Variants in FBXL16 observed in about 807,000 individuals in gnomAD.
The protein encoded by FBXL16 is F-box and leucine rich repeat protein 16, also known as F-box/LRR-repeat protein 16.
In FBXL16, 7 loss-of-function variants were observed where a neutral mutation model predicts 36.7. The observed-to-expected ratio is 0.19, with a 90% CI of 0.11 to 0.36. The LOEUF is 0.36. Among genes scored for constraint, FBXL16 ranks in the 10% least tolerant of loss-of-function variants. FBXL16 has a pLI of 1.00. For synonymous variants in FBXL16, 355 were observed against 308.7 expected (o/e 1.15, Z -1.57); for missense variants, 463 against 659.4 (o/e 0.70, Z 3.26).
At position 694,984 on chromosome 16, in the gene FBXL16, G is replaced by A; in HGVS notation, c.1227+8C>T. ...GATCCCCCAATCCCGGGGCGTGAGA[G>A]CCGGTACCTGGCAGCACCATCGCAG... On this transcript the variant is annotated splice_region_variant and intron_variant, in intron 4 of 5. Transcript: ENST00000397621. The A allele has an allele frequency of 2.0e-6, 3 of 1,530,044 alleles. No individual in the cohort carries two copies. The highest frequency in any genetic ancestry group is 2.6e-6 in the Non-Finnish European group (3 of 1,135,902). 94.8% of individuals were successfully genotyped at this position (1,530,044 alleles called of 1,614,324 possible). A position where few individuals can be genotyped will look rare whatever the true frequency, so the allele number is the denominator to read the frequency against.
intron 3 of FBXL16, 157 bp from the exon 4 acceptor site, chr16:695,233 C>T (rs1292241201): frequency 2.6e-6 from 3 of 1,155,984 alleles, no homozygotes; most frequent in Admixed American, 2.6e-5. Context: ...GACGGGGGTC[C>T]AGCCAACCCG....
chr16:703,753 G>A (rs958789999), intron 1 of FBXL16, among the ~76,000 whole-genome samples: 1 of 152,374 alleles, frequency 6.6e-6, no homozygotes, highest in Non-Finnish European at 1.5e-5. Context: ...AGAGAAACCC[G>A]TGTTGCTGCC....
rs1443496382 is a variant in FBXL16, at chr16:705,546, C to T, written c.-49G>A. Reference sequence around the variant, plus strand: ...GGCTCCTGGCTCATGCCACGCTGTCCGCCGGGCGACCTCCCGTCATGGGGA... The same window carrying T: ...GGCTCCTGGCTCATGCCACGCTGTCTGCCGGGCGACCTCCCGTCATGGGGA... On this transcript the variant is annotated 5_prime_UTR_variant, in exon 1 of 6. Coordinates refer to ENST00000397621, the MANE Select transcript of FBXL16 (RefSeq NM_153350.4). 1 of 150,442 alleles carries T rather than the reference C, an allele frequency of 6.6e-6. No homozygotes were observed. The highest frequency in any genetic ancestry group is 2.4e-5 in the African/African-American group (1 of 41,148). 9.3% of individuals were successfully genotyped at this position (150,442 alleles called of 1,614,324 possible).
At chr16:703,235 G>A (rs962863794) in intron 1 of FBXL16, among the ~76,000 whole-genome samples, 9 of 152,162 alleles carry the variant, frequency 5.9e-5, no homozygotes, top group South Asian at 4.1e-4. Context: ...CTGCCACGGC[G>A]CTGCATTCCT....
intron 3 of FBXL16, 47 bp from the exon 4 acceptor site, chr16:695,123 C>G: frequency 1.3e-6 from 2 of 1,557,990 alleles, no homozygotes; most frequent in Non-Finnish European, 1.7e-6. Context: ...CACCTGGCCC[C>G]GGCCATCCCT....
At chr16:698,239 G>A (rs2040029837) in intron 1 of FBXL16, among the ~76,000 whole-genome samples, 1 of 152,122 alleles carries the variant, frequency 6.6e-6, no homozygotes, top group African/African-American at 2.4e-5. Flanking sequence ...CTGACCTCAA[G>A]TGATCCACCC....
rs371464390 is a variant in FBXL16 at position 699,152 on chromosome 16, C to T, written c.-14-1733G>A. Among the ~76,000 whole-genome samples, 37 of 152,292 alleles carry T rather than the reference C, an allele frequency of 2.4e-4. 1 individual carries two copies. In the East Asian group the frequency reaches 6.6e-3, roughly 27 times the overall value. On this transcript the variant is annotated intron_variant, in intron 1 of 5. Coordinates refer to ENST00000397621, the MANE Select transcript of FBXL16 (RefSeq NM_153350.4). ...GCCAAGGCTGGGCAAACTGCCTGCC[C>T]GAGGTCATGGCCAGATAAGTGGTGA...
chr16:694,586 G>A, intron 5 of FBXL16, 48 bp downstream of exon 5: 1 of 1,569,810 alleles, frequency 6.4e-7, no homozygotes, highest in Non-Finnish European at 8.7e-7. Flanking sequence ...TGGACTAAGT[G>A]GGGGTGGGTG....
In FBXL16 at chr16:695,928, A is replaced by T. The variant is rs2040007705; in HGVS notation, c.634-5T>A. The T allele has an allele frequency of 6.4e-7, 1 of 1,571,446 alleles. No homozygotes were observed. The highest frequency in any genetic ancestry group is 8.7e-7 in the Non-Finnish European group (1 of 1,153,752). ...CTGCATCTGTTCAAGCATAACCTGC[A>T]GGCGGGCGGGCGCCGGGTCAGGATT... On this transcript the variant is annotated splice_region_variant and splice_polypyrimidine_tract_variant and intron_variant, in intron 2 of 5. Transcript: ENST00000397621.
At position 698,341 on chromosome 16, in the gene FBXL16, C is replaced by T. The variant is rs113518649; in HGVS notation, c.-14-922G>A. Among the ~76,000 whole-genome samples the T allele has an allele frequency of 3.7e-4, 56 of 152,154 alleles. 1 individual carries two copies. The South Asian group carries it at 5.2e-3, about 14-fold the overall frequency. The stretch of plus-strand genomic sequence containing the variant: ...TTTGCCCAGTGAGGCGAAGAAACGC[C>T]GACACTTTTTAGCACTTAGGTACCA... On this transcript the variant is annotated intron_variant, in intron 1 of 5. Coordinates refer to ENST00000397621, the MANE Select transcript of FBXL16 (RefSeq NM_153350.4).
chr16:701,625 C>T (rs1317964108), intron 1 of FBXL16, among the ~76,000 whole-genome samples: 1 of 151,296 alleles, frequency 6.6e-6, no homozygotes, highest in Admixed American at 6.6e-5. Context: ...CCCAGCCAGA[C>T]GGTCACCAAG....
At chr16:704,333 C>T (rs7185681) in intron 1 of FBXL16, among the ~76,000 whole-genome samples, 3 of 152,062 alleles carry the variant, frequency 2.0e-5, no homozygotes, top group Admixed American at 1.3e-4. Context: ...GTGAGTCTGT[C>T]GATGGAGGGG....
chr16:697,869 A>G lies in FBXL16; in HGVS notation c.-14-450T>C, dbSNP rs2040026629. ...CAAAAAATTAGCTGGGCATGGTGGC[A>G]GGCGCCTGTAGTACCAGCTACTTGG... On this transcript the variant is annotated intron_variant, in intron 1 of 5. Coordinates refer to ENST00000397621, the MANE Select transcript of FBXL16 (RefSeq NM_153350.4). This position sits in a 1 kb window ranked among gnomAD's most constrained non-coding sequence, Gnocchi z 4.6. Among the ~76,000 whole-genome samples, 1 of 151,880 alleles carries G rather than the reference A, an allele frequency of 6.6e-6. No homozygotes were observed. Among genetic ancestry groups the G allele is most frequent in the South Asian group, 2.1e-4 (1 of 4,808 alleles).
chr16:694,210 G>A lies in FBXL16; in HGVS notation c.*65C>T. The A allele has an allele frequency of 8.5e-7, 1 of 1,179,942 alleles. No homozygotes were observed. Among genetic ancestry groups the A allele is most frequent in the Non-Finnish European group, 1.1e-6 (1 of 931,272 alleles). The allele number at this position is 1,179,942 out of a possible 1,614,324, so 73.1% of individuals were successfully genotyped here. A position where few individuals can be genotyped will look rare whatever the true frequency, so the allele number is the denominator to read the frequency against. ...AGCGCAAGGCGGGAAGAGGGGGCTCGGCGGCGCCCCGCGCCCCCGCCCAGG... is the reference window on the plus strand; with the variant it reads ...AGCGCAAGGCGGGAAGAGGGGGCTCAGCGGCGCCCCGCGCCCCCGCCCAGG... On this transcript the variant is annotated 3_prime_UTR_variant, in exon 6 of 6. Transcript: ENST00000397621.
intron 1 of FBXL16, among the ~76,000 whole-genome samples, chr16:702,190 G>A (rs953011503): frequency 6.6e-6 from 1 of 152,108 alleles, no homozygotes; most frequent in Non-Finnish European, 1.5e-5. Context: ...CTCAGCTCCG[G>A]CCCCTTCCCA....
At position 697,472 on chromosome 16, in the gene FBXL16, C is replaced by CG; in HGVS notation, c.-14-54dup. 6.8e-7 allele frequency: 1 copy of CG among 1,466,714 alleles called. No individual in the cohort carries two copies. The highest frequency in any genetic ancestry group is 9.0e-7 in the Non-Finnish European group (1 of 1,108,878). 90.9% of individuals were successfully genotyped at this position (1,466,714 alleles called of 1,614,324 possible). ...GAGTCTGTTGCTGAGTCTGGAAGGC[C>CG]GGGGTTGGGGGCGGGTGCAGTGGGG... On this transcript the variant is annotated intron_variant, in intron 1 of 5. Transcript: ENST00000397621. This position sits in a 1 kb window ranked among gnomAD's most constrained non-coding sequence, Gnocchi z 4.6.
At chr16:694,925 C>A in intron 4 of FBXL16, 67 bp downstream of exon 4, 5 of 1,435,778 alleles carry the variant, frequency 3.5e-6, no homozygotes, top group Non-Finnish European at 4.7e-6. Flanking sequence ...CTGAGTGGGG[C>A]CGGGAGCTCT....
At chr16:698,937 GAAAGAAAGAAAAAGAAAAAAAGA>G in intron 1 of FBXL16, among the ~76,000 whole-genome samples, 1 of 135,206 alleles carries the variant, frequency 7.4e-6, no homozygotes, top group South Asian at 2.5e-4. Flanking sequence ...AAAAAAGAAA[GAAAGAAAGAAAAAGAAAAAAAGA>G]AAAGAAAAAG....
Position 697,419 on chromosome 16 carries a change from T to C in FBXL16, c.-14A>G. 1 of 1,527,548 alleles carries C rather than the reference T, an allele frequency of 6.5e-7. No homozygotes were observed. Among genetic ancestry groups the C allele is most frequent in the Non-Finnish European group, 8.8e-7 (1 of 1,142,654 alleles). 94.6% of individuals were successfully genotyped at this position (1,527,548 alleles called of 1,614,324 possible). Reference sequence around the variant, plus strand: ...CGGGCTCGACATCTTCCTGGCACGCTCTGTGGATGAGGGCCGGGAGGGGGA... The same window carrying C: ...CGGGCTCGACATCTTCCTGGCACGCCCTGTGGATGAGGGCCGGGAGGGGGA... On this transcript the variant is annotated splice_region_variant and 5_prime_UTR_variant, in exon 2 of 6. Coordinates refer to ENST00000397621, the MANE Select transcript of FBXL16 (RefSeq NM_153350.4). This position sits in a 1 kb window ranked among gnomAD's most constrained non-coding sequence, Gnocchi z 4.6.
Sources: gnomAD v4.1 joint callset for allele counts (sites outside exome capture counted in the v4.1 genomes callset) on GRCh38, gnomAD v4.1.1 for gene constraint, Gnocchi (gnomAD v3.1) non-coding constraint, MANE v1.5 for transcripts, NCBI Gene and HGNC (gene_info 2026-07-23, HGNC 2026-07-21) for gene names.